Variants in DNMT3A observed in about 807,000 individuals in gnomAD.
DNMT3A encodes the protein DNA methyltransferase 3 alpha.
A neutral mutation model predicts 117.6 loss-of-function variants in DNMT3A; 267 were observed. The ratio of observed to expected loss-of-function variants is 2.27; its 90% CI spans 2.05 to 2.51. DNMT3A has a LOEUF of 2.51. Among genes scored for constraint, DNMT3A ranks in the 30% most tolerant of loss-of-function variants. The probability of loss-of-function intolerance (pLI) is 0.00; values close to 1 mark genes in which losing one functional copy is unlikely to be tolerated. For synonymous variants in DNMT3A, 432 were observed against 474.8 expected, an observed-to-expected ratio of 0.91 and a Z score of 1.17; for missense variants, 1,029 against 1,260.2, an observed-to-expected ratio of 0.82 and a Z score of 2.78.
rs1672799167 is a variant in DNMT3A, at chr2:25,229,759, G to GA, written c.*4519dup. ...TCCGCACCAAGCAGAGTAGCAACAG[G>GA]AATTCAAAACTGCCTCCCAAATGTA... On this transcript the variant is annotated 3_prime_UTR_variant, in exon 23 of 23. Transcript: ENST00000321117. 1 of 152,228 alleles carries GA rather than the reference G, an allele frequency of 6.6e-6. No individual in the cohort carries two copies. The highest frequency in any genetic ancestry group is 2.4e-5 in the African/African-American group (1 of 41,460). The allele number at this position is 152,228 out of a possible 1,614,324, so 9.4% of individuals were successfully genotyped here. A position where few individuals can be genotyped will look rare whatever the true frequency, so the allele number is the denominator to read the frequency against.
chr2:25,288,645 T>TTAAACTTCTA (rs2032508770), intron 3 of DNMT3A, among the ~76,000 whole-genome samples: 1 of 152,114 alleles, frequency 6.6e-6, no homozygotes, highest in South Asian at 2.1e-4. Flanking sequence ...AAACCTGGGG[T>TTAAACTTCTA]AAAACATACA....
chr2:25,291,427 T>C (rs1012384654), intron 3 of DNMT3A, among the ~76,000 whole-genome samples: 1 of 152,118 alleles, frequency 6.6e-6, no homozygotes, highest in Admixed American at 6.5e-5. Context: ...CCATGCCCAC[T>C]CCAGGAGGGG....
At chr2:25,300,404 C>T (rs1259905283) in intron 2 of DNMT3A, among the ~76,000 whole-genome samples, 161 bp from the exon 3 acceptor site, 1 of 151,388 alleles carries the variant, frequency 6.6e-6, no homozygotes. Flanking sequence ...ACCAACTCCC[C>T]TCCTGCCTGA....
intron 1 of DNMT3A, among the ~76,000 whole-genome samples, chr2:25,338,841 G>C (rs766634561): frequency 2.0e-4 from 30 of 152,194 alleles, no homozygotes; most frequent in Non-Finnish European, 4.1e-4. Context: ...CACTGGCAGA[G>C]GTGGGTGTGA....
At chr2:25,331,463 C>T (rs967190827) in intron 1 of DNMT3A, among the ~76,000 whole-genome samples, 2 of 152,208 alleles carry the variant, frequency 1.3e-5, no homozygotes, top group African/African-American at 4.8e-5. Context: ...AGACCTGCCT[C>T]TGAATGGAGA....
intron 2 of DNMT3A, among the ~76,000 whole-genome samples, chr2:25,301,503 G>A (rs2033512966): frequency 6.6e-6 from 1 of 152,050 alleles, no homozygotes; most frequent in Non-Finnish European, 1.5e-5. Flanking sequence ...ACAGAAGTTT[G>A]TTTTACTCCC....
rs372378988 is a variant in DNMT3A, at chr2:25,265,703, T to C, written c.639+9238A>G. On this transcript the variant is annotated intron_variant, in intron 6 of 22. Transcript: ENST00000321117. ...GTGTGGTGGCAGGTGCCTGTAATCC[T>C]AGCTACTTGGGAGGCTGGGGCAGGA... Among the ~76,000 whole-genome samples the C allele has an allele frequency of 4.6e-5, 7 of 151,590 alleles. No homozygotes were observed. The East Asian group carries it at 1.4e-3, about 30-fold the overall frequency.
At chr2:25,275,156 C>T (rs1054582021) in intron 5 of DNMT3A, 69 bp from the exon 6 acceptor site, 6 of 1,482,656 alleles carry the variant, frequency 4.0e-6, no homozygotes, top group Non-Finnish European at 4.5e-6. Context: ...AGGCACTCGC[C>T]TCAAACACAA....
intron 6 of DNMT3A, among the ~76,000 whole-genome samples, chr2:25,255,665 C>T (rs1171412111): frequency 6.6e-6 from 1 of 152,238 alleles, no homozygotes; most frequent in African/African-American, 2.4e-5. Flanking sequence ...ATTTTAATTA[C>T]ATTTTCCAAT....
intron 20 of DNMT3A, among the ~76,000 whole-genome samples, chr2:25,238,200 T>C (rs555472596): frequency 6.6e-6 from 1 of 152,274 alleles, no homozygotes; most frequent in African/African-American, 2.4e-5. Context: ...TATGCACATG[T>C]ATCTTGGGAA....
intron 1 of DNMT3A, among the ~76,000 whole-genome samples, chr2:25,319,017 CTT>C (rs567787303): frequency 1.6e-4 from 17 of 103,230 alleles, no homozygotes; most frequent in Admixed American, 3.0e-4. Flanking sequence ...TTCTTTCTTT[CTT>C]TTTTTTTTTT....
At position 25,313,917 on chromosome 2, in the gene DNMT3A, C is replaced by G. The variant is rs1174462913; in HGVS notation, c.68G>C (p.Arg23Pro). The change falls in exon 2 of 23, where the codon CGA becomes CCA. Residue 23 changes from arginine to proline, a missense_variant. Transcript: ENST00000321117. ...SSSAAEREEDRKDGEEQEEPR... is the reference protein window; with the variant it reads ...SSSAAEREEDPKDGEEQEEPR... Reference sequence around the variant, plus strand: ...CCAGCAGAGCCCGCTGCTCACCTTTCGGTCCTCCTCCCGCTCCGCAGCAGA... The same window carrying G: ...CCAGCAGAGCCCGCTGCTCACCTTTGGGTCCTCCTCCCGCTCCGCAGCAGA... 4 of 1,549,500 alleles carry G rather than the reference C, an allele frequency of 2.6e-6. No individual in the cohort carries two copies. Among genetic ancestry groups the G allele is most frequent in the East Asian group, 2.4e-5 (1 of 41,056 alleles).
intron 4 of DNMT3A, among the ~76,000 whole-genome samples, chr2:25,278,901 CAT>C (rs2031672765): frequency 6.6e-6 from 1 of 152,164 alleles, no homozygotes; most frequent in Admixed American, 6.5e-5. Context: ...CTGAAACTTT[CAT>C]ATACATGGGA....
intron 3 of DNMT3A, among the ~76,000 whole-genome samples, chr2:25,291,983 A>G (rs1046850342): frequency 6.6e-6 from 1 of 152,218 alleles, no homozygotes; most frequent in African/African-American, 2.4e-5. Context: ...GGCTGGGTTC[A>G]GTGGCTCACG....
chr2:25,270,605 G>C (rs1005138468), intron 6 of DNMT3A, among the ~76,000 whole-genome samples: 4 of 152,082 alleles, frequency 2.6e-5, no homozygotes, highest in African/African-American at 9.7e-5. Context: ...CCTTTTTTGG[G>C]AGGAGGAGGG....
At chr2:25,289,770 A>G (rs1336879450) in intron 3 of DNMT3A, among the ~76,000 whole-genome samples, 18 of 152,206 alleles carry the variant, frequency 1.2e-4, no homozygotes, top group Non-Finnish European at 2.9e-5. Flanking sequence ...AGCAAAAGAC[A>G]GAGGCAAGGC....
chr2:25,244,074 C>A, intron 15 of DNMT3A, 81 bp downstream of exon 15: 1 of 1,596,504 alleles, frequency 6.3e-7, no homozygotes, highest in Non-Finnish European at 8.5e-7. Flanking sequence ...CCTAGACCCA[C>A]ACACCCTGCG....
intron 1 of DNMT3A, among the ~76,000 whole-genome samples, chr2:25,319,090 C>T (rs186856809): frequency 0.021 from 3,146 of 149,992 alleles, 94 homozygotes; most frequent in African/African-American, 0.072. Context: ...TCTCGGCTCA[C>T]TGCAACCTCC....
rs1468806546 is a variant in DNMT3A, at chr2:25,327,133, G to A, written c.-177-12972C>T. On this transcript the variant is annotated intron_variant, in intron 1 of 22. Coordinates refer to ENST00000321117, the MANE Select transcript of DNMT3A (RefSeq NM_022552.5). This position sits in a 1 kb window ranked among gnomAD's most constrained non-coding sequence, Gnocchi z 4.1. Reference sequence around the variant, plus strand: ...CACTCTGTGGCAACCCTAGAGGTAGGGGCTGTTCTCATATCTATTATTTTT... The same window carrying A: ...CACTCTGTGGCAACCCTAGAGGTAGAGGCTGTTCTCATATCTATTATTTTT... Among the ~76,000 whole-genome samples, 1 of 152,110 alleles carries A rather than the reference G, an allele frequency of 6.6e-6. No homozygotes were observed. The highest frequency in any genetic ancestry group is 2.4e-5 in the African/African-American group (1 of 41,430).
Sources: gnomAD v4.1 joint callset for allele counts (sites outside exome capture counted in the v4.1 genomes callset) on GRCh38, gnomAD v4.1.1 for gene constraint, Gnocchi (gnomAD v3.1) non-coding constraint, MANE v1.5 for transcripts, NCBI Gene and HGNC (gene_info 2026-07-23, HGNC 2026-07-21) for gene names.